Variants in SETD2 observed in about 807,000 individuals in gnomAD.
The protein encoded by SETD2 is histone-lysine N-methyltransferase SETD2.
In SETD2, 31 loss-of-function variants were observed where a neutral mutation model predicts 242.1. The observed-to-expected ratio is 0.13, with a 90% confidence interval of 0.10 to 0.17. The LOEUF is 0.17. SETD2 is among the 10% of genes least tolerant of loss of function. The pLI is 1.00. For synonymous variants in SETD2, 1,006 were observed against 1,066.5 expected, an observed-to-expected ratio of 0.94 and a Z score of 1.11; for missense variants, 2,481 against 3,046.3, an observed-to-expected ratio of 0.81 and a Z score of 4.37.
chr3:47,041,181 G>A (rs2039261459), intron 17 of SETD2, among the ~76,000 whole-genome samples: 1 of 152,196 alleles, frequency 6.6e-6, no homozygotes, highest in African/African-American at 2.4e-5. Context: ...ATTTTGACCT[G>A]TGGGCCAAAT....
intron 5 of SETD2, among the ~76,000 whole-genome samples, chr3:47,108,958 GAAGGCA>G (rs2042546804): frequency 6.6e-6 from 1 of 152,200 alleles, no homozygotes; most frequent in East Asian, 1.9e-4. Context: ...TAAATCCCAT[GAAGGCA>G]AAGGCAATGA....
At chr3:47,054,894 T>C (rs1179496192) in intron 15 of SETD2, among the ~76,000 whole-genome samples, 1 of 152,146 alleles carries the variant, frequency 6.6e-6, no homozygotes, top group Non-Finnish European at 1.5e-5. Context: ...CACACACATA[T>C]AGTATAATAG....
At chr3:47,070,025 T>C (rs373797873) in intron 12 of SETD2, among the ~76,000 whole-genome samples, 1 of 152,196 alleles carries the variant, frequency 6.6e-6, no homozygotes, top group African/African-American at 2.4e-5. Context: ...AATTGGTGTA[T>C]TGAGGGTCCC....
rs1189873725 is a variant in SETD2 at position 47,019,754 on chromosome 3, C to T, written c.7431+6G>A. 1 of 1,612,288 alleles carries T rather than the reference C, an allele frequency of 6.2e-7. No homozygotes were observed. The highest frequency in any genetic ancestry group is 1.7e-5 in the Admixed American group (1 of 60,006). On this transcript the variant is annotated splice_donor_region_variant and intron_variant, in intron 19 of 20. Coordinates refer to ENST00000409792, the MANE Select transcript of SETD2 (RefSeq NM_014159.7). ...GAGCTTAGTGCTTATATCCACCAAA[C>T]CTTACCTCTTTTCTGAATACTTCTT...
At chr3:47,020,230 G>A (rs940136948) in intron 18 of SETD2, among the ~76,000 whole-genome samples, 13 of 152,176 alleles carry the variant, frequency 8.5e-5, no homozygotes, top group Middle Eastern at 3.4e-3. Flanking sequence ...GGACAGAGGC[G>A]AAATGCTCTG....
At chr3:47,077,424 G>A (rs1229611538) in intron 12 of SETD2, among the ~76,000 whole-genome samples, 8 of 152,034 alleles carry the variant, frequency 5.3e-5, no homozygotes, top group Admixed American at 5.2e-4. Flanking sequence ...TACATCTCAG[G>A]TACCCCAAGA....
intron 10 of SETD2, among the ~76,000 whole-genome samples, chr3:47,086,936 C>G (rs2041585984): frequency 6.6e-6 from 1 of 150,994 alleles, no homozygotes; most frequent in African/African-American, 2.4e-5. Flanking sequence ...GATACTCAGG[C>G]AACTGAGGCA....
chr3:47,018,926 C>A (rs1019203937), intron 19 of SETD2, among the ~76,000 whole-genome samples: 6 of 152,346 alleles, frequency 3.9e-5, no homozygotes, highest in African/African-American at 1.4e-4. Context: ...TGGCCAATTC[C>A]TACCCCTGAT....
Position 47,017,771 on chromosome 3 carries a change from A to G in SETD2, c.7432-32T>C. On this transcript the variant is annotated intron_variant, in intron 19 of 20. Transcript: ENST00000409792. The surrounding 1 kb of genome is among the most constrained non-coding windows in gnomAD (Gnocchi z 4.8). ...GCAGAGAAAAGAGAACACGTTGCTC[A>G]ACAGTCCAGAGAGGGCAAGGAGTTG... The G allele has an allele frequency of 6.7e-7, 1 of 1,487,262 alleles. No individual in the cohort carries two copies. The highest frequency in any genetic ancestry group is 9.4e-7 in the Non-Finnish European group (1 of 1,064,380). The allele number at this position is 1,487,262 out of a possible 1,614,324, so 92.1% of individuals were successfully genotyped here.
chr3:47,057,322 A>C lies in SETD2; in HGVS notation c.6462T>G (p.Ser2154=), dbSNP rs993839048. The change falls in exon 15 of 21, where the codon TCT becomes TCG. Residue 2154 remains serine, a synonymous_variant. Transcript: ENST00000409792. ...GATGATGCGGGGCATTATAACCAAG[A>C]GAGTCATAGGGCAGTGGTGATGTCA... is the stretch of plus-strand genomic sequence containing the variant. ...LGMTSPLPYD[S]LGYNAPHHPF... 12 of 1,614,040 alleles carry C rather than the reference A, an allele frequency of 7.4e-6. No individual in the cohort carries two copies. In the Admixed American group the frequency reaches 1.3e-4, roughly 18 times the overall value.
chr3:47,056,062 TAA>T (rs1188750643), intron 15 of SETD2, among the ~76,000 whole-genome samples: 3 of 101,110 alleles, frequency 3.0e-5, no homozygotes, highest in Non-Finnish European at 6.2e-5. Context: ...TTGTATAATC[TAA>T]AAAAAAAAAA....
intron 15 of SETD2, among the ~76,000 whole-genome samples, chr3:47,048,810 G>C (rs533305925): frequency 5.9e-5 from 9 of 151,880 alleles, no homozygotes; most frequent in Admixed American, 5.2e-4. Flanking sequence ...TGGGACTACA[G>C]GTGCGTGCCA....
chr3:47,056,094 T>TTTTATTTATTTATTTA (rs145910690), intron 15 of SETD2, among the ~76,000 whole-genome samples: 4 of 116,422 alleles, frequency 3.4e-5, no homozygotes, highest in Admixed American at 2.1e-4. Context: ...AAAACATGAT[T>TTTTATTTATTTATTTA]TTTATTTATT....
intron 1 of SETD2, among the ~76,000 whole-genome samples, chr3:47,132,828 TATAAG>T (rs1214858574): frequency 3.9e-5 from 6 of 152,188 alleles, no homozygotes; most frequent in Non-Finnish European, 7.3e-5. Context: ...CTGTCAGACA[TATAAG>T]AATAGATCAC....
intron 4 of SETD2, among the ~76,000 whole-genome samples, chr3:47,114,810 C>G (rs1301162416): frequency 1.4e-5 from 2 of 141,118 alleles, no homozygotes; most frequent in African/African-American, 2.7e-5. Context: ...ACCCAGGAGG[C>G]AGAGGTTGTA....
chr3:47,048,206 G>A (rs1221978082), intron 15 of SETD2, among the ~76,000 whole-genome samples: 2 of 152,112 alleles, frequency 1.3e-5, no homozygotes, highest in Non-Finnish European at 2.9e-5. Flanking sequence ...TGGCTAACAC[G>A]GTGAAATCCC....
intron 6 of SETD2, among the ~76,000 whole-genome samples, chr3:47,103,927 T>C (rs2042313709): frequency 6.6e-6 from 1 of 152,234 alleles, no homozygotes; most frequent in African/African-American, 2.4e-5. Flanking sequence ...TAGCCATTTC[T>C]TATATTCTAT....
At chr3:47,067,171 T>A (rs1434875164) in intron 12 of SETD2, 53 bp from the exon 13 acceptor site, 4 of 1,327,300 alleles carry the variant, frequency 3.0e-6, no homozygotes, top group Non-Finnish European at 4.3e-6. Context: ...AAATGGTGAT[T>A]GCTTTGAAAC....
chr3:47,107,737 G>A lies in SETD2; in HGVS notation c.4716-1617C>T, dbSNP rs1005705734. ...TTGGGTGGCGGGGGGGGGTGGGGGGGGGGTGGCAGGATTGCTTTGGCCCAG... is the reference window on the plus strand; with the variant it reads ...TTGGGTGGCGGGGGGGGGTGGGGGGAGGGTGGCAGGATTGCTTTGGCCCAG... On this transcript the variant is annotated intron_variant, in intron 5 of 20. Transcript: ENST00000409792. Among the ~76,000 whole-genome samples the A allele has an allele frequency of 1.9e-3, 229 of 118,362 alleles. 2 individuals carry two copies. Among genetic ancestry groups the A allele is most frequent in the African/African-American group, 6.7e-3 (217 of 32,352 alleles). 77.7% of individuals were successfully genotyped at this position (118,362 alleles called of 152,430 possible). A position where few individuals can be genotyped will look rare whatever the true frequency, so the allele number is the denominator to read the frequency against.
Sources: allele counts gnomAD v4.1 joint callset (sites outside exome capture counted in the v4.1 genomes callset), GRCh38; gene constraint gnomAD v4.1.1; non-coding constraint Gnocchi (gnomAD v3.1); transcripts MANE v1.5; gene names NCBI Gene and HGNC (gene_info 2026-07-23, HGNC 2026-07-21).